The following CCSER1 variants were observed in gnomAD, a reference collection of about 807,000 sequenced individuals.
The protein encoded by CCSER1 is serine-rich coiled-coil domain-containing protein 1.
In CCSER1, 41 loss-of-function variants were observed where a neutral mutation model predicts 82.0. That is an observed-to-expected ratio of 0.50 (90% CI 0.39 to 0.65). CCSER1 has a LOEUF of 0.65. Ranked by LOEUF, CCSER1 falls within the 30% of genes least tolerant of loss-of-function variation. The pLI, the probability that CCSER1 is intolerant of heterozygous loss-of-function variation, is 0.00. For missense variants in CCSER1, 1,119 were observed against 1,064.2 expected, an observed-to-expected ratio of 1.05 and a Z score of -0.72; for synonymous variants, 414 against 383.9, an observed-to-expected ratio of 1.08 and a Z score of -0.92.
At chr4:90,515,229 T>C (rs1004502234) in intron 5 of CCSER1, among the ~76,000 whole-genome samples, 1 of 152,220 alleles carries the variant, frequency 6.6e-6, no homozygotes, top group Non-Finnish European at 1.5e-5. Flanking sequence ...AATACAAGTA[T>C]AAAATTTTAA....
intron 10 of CCSER1, among the ~76,000 whole-genome samples, chr4:91,436,503 G>A (rs539747637): frequency 3.3e-5 from 5 of 152,270 alleles, no homozygotes; most frequent in Admixed American, 6.5e-5. Flanking sequence ...TGAGAAAGTC[G>A]ATGACTTCAG....
At chr4:91,411,843 T>C (rs1753070222) in intron 10 of CCSER1, among the ~76,000 whole-genome samples, 1 of 114,134 alleles carries the variant, frequency 8.8e-6, no homozygotes, top group African/African-American at 3.3e-5. Flanking sequence ...ACTAGTGTTA[T>C]GTTGTTACAC....
intron 1 of CCSER1, among the ~76,000 whole-genome samples, chr4:90,153,413 G>C (rs1024670491): frequency 6.6e-6 from 1 of 151,640 alleles, no homozygotes; most frequent in African/African-American, 2.4e-5. Flanking sequence ...TAATGGGATG[G>C]CTGGGTCAAA....
At chr4:90,220,118 T>G (rs189548806) in intron 1 of CCSER1, among the ~76,000 whole-genome samples, 1 of 152,264 alleles carries the variant, frequency 6.6e-6, no homozygotes, top group East Asian at 1.9e-4. Flanking sequence ...TACAGTATGT[T>G]GTTATAAAAT....
intron 3 of CCSER1, among the ~76,000 whole-genome samples, chr4:90,358,980 A>C (rs767116550): frequency 4.6e-5 from 7 of 152,194 alleles, no homozygotes; most frequent in Non-Finnish European, 8.8e-5. Flanking sequence ...AATTCATGAA[A>C]AGATACTTTT....
Position 91,504,745 on chromosome 4 carries a change from G to A in CCSER1, c.2218-93827G>A, listed in dbSNP as rs1371159264. ...AGTTATTTAGCCAATAGACCATTAT[G>A]AATACAACCAAACAAAACATGACTA... On this transcript the variant is annotated intron_variant, in intron 10 of 10. Transcript: ENST00000509176. 6.6e-5 allele frequency among the ~76,000 whole-genome samples: 10 copies of A among 151,852 alleles called. 1 individual carries two copies.
rs375346974 is a variant in CCSER1 at position 91,383,593 on chromosome 4, A to G, written c.2218-214979A>G. On this transcript the variant is annotated intron_variant, in intron 10 of 10. Coordinates refer to ENST00000509176, the MANE Select transcript of CCSER1 (RefSeq NM_001145065.2). ...TCAATCATATTTTTTAGGACAAACTATAGCCACTTTTGTGCTATAGTTTCA... is the reference window on the plus strand; with the variant it reads ...TCAATCATATTTTTTAGGACAAACTGTAGCCACTTTTGTGCTATAGTTTCA... 1.5e-4 allele frequency among the ~76,000 whole-genome samples: 23 copies of G among 152,286 alleles called. No individual in the cohort carries two copies. The East Asian group carries it at 2.7e-3, about 18-fold the overall frequency.
intron 4 of CCSER1, among the ~76,000 whole-genome samples, chr4:90,438,630 A>G (rs1218517179): frequency 6.6e-6 from 1 of 152,206 alleles, no homozygotes. Context: ...TGACATAATC[A>G]TAAAGTCTAA....
At chr4:91,028,771 C>A (rs1375893467) in intron 9 of CCSER1, among the ~76,000 whole-genome samples, 2 of 151,866 alleles carry the variant, frequency 1.3e-5, no homozygotes, top group Non-Finnish European at 2.9e-5. Context: ...CATGACTCCC[C>A]ATGGATCTGA....
At chr4:90,384,041 G>C (rs1288639877) in intron 3 of CCSER1, among the ~76,000 whole-genome samples, 1 of 151,928 alleles carries the variant, frequency 6.6e-6, no homozygotes, top group Admixed American at 6.6e-5. Flanking sequence ...GGGATTAAGT[G>C]TGAACTACCA....
intron 3 of CCSER1, 67 bp from the exon 4 acceptor site, chr4:90,399,969 A>G: frequency 2.5e-6 from 2 of 812,792 alleles, no homozygotes; most frequent in Admixed American, 2.3e-5. Context: ...CACGGCTTCC[A>G]CATATGAGTA....
At chr4:91,461,671 A>G (rs1441610207) in intron 10 of CCSER1, among the ~76,000 whole-genome samples, 1 of 152,190 alleles carries the variant, frequency 6.6e-6, no homozygotes, top group South Asian at 2.1e-4. Flanking sequence ...ACAATGTAGC[A>G]TACCTATTGG....
chr4:90,804,017 G>T (rs925029496), intron 7 of CCSER1, among the ~76,000 whole-genome samples: 12 of 152,290 alleles, frequency 7.9e-5, no homozygotes, highest in African/African-American at 2.9e-4. Context: ...CTTCTTTTGA[G>T]AAATGTCTGT....
rs1029388589 is a variant in CCSER1 at position 90,406,479 on chromosome 4, A to G, written c.1603+6350A>G. On this transcript the variant is annotated intron_variant, in intron 4 of 10. Transcript: ENST00000509176. ...AAGACAGAAAGTCAGCAAAGAAACA[A>G]TGGACTTAACTATACCCTACAACAA... Among the ~76,000 whole-genome samples, 29 of 152,214 alleles carry G rather than the reference A, an allele frequency of 1.9e-4. 1 individual carries two copies. The highest frequency in any genetic ancestry group is 6.5e-4 in the African/African-American group (27 of 41,468).
intron 10 of CCSER1, among the ~76,000 whole-genome samples, chr4:91,245,925 A>G (rs1581835629): frequency 1.3e-5 from 2 of 152,252 alleles, no homozygotes; most frequent in African/African-American, 2.4e-5. Context: ...GGAACTCCCA[A>G]CCTCAGGTGA....
At chr4:90,718,270 T>G (rs1210774866) in intron 6 of CCSER1, among the ~76,000 whole-genome samples, 1 of 152,100 alleles carries the variant, frequency 6.6e-6, no homozygotes, top group Admixed American at 6.6e-5. Flanking sequence ...TTAAAAAAGT[T>G]AAAATATTTC....
At chr4:91,077,901 G>A (rs1050650823) in intron 9 of CCSER1, among the ~76,000 whole-genome samples, 5 of 152,224 alleles carry the variant, frequency 3.3e-5, no homozygotes, top group Non-Finnish European at 7.3e-5. Flanking sequence ...TGGTGGAGGG[G>A]CATCTGCCAT....
intron 1 of CCSER1, among the ~76,000 whole-genome samples, chr4:90,210,075 A>G (rs1457987529): frequency 1.3e-5 from 2 of 152,070 alleles, no homozygotes; most frequent in African/African-American, 4.8e-5. Flanking sequence ...AACTGGAGGA[A>G]TCTCTTTTTC....
Position 91,601,292 on chromosome 4 carries a change from G to A in CCSER1, c.*2235G>A, listed in dbSNP as rs1764806729. The A allele has an allele frequency of 6.6e-6, 1 of 151,926 alleles. No individual in the cohort carries two copies. The highest frequency in any genetic ancestry group is 6.6e-5 in the Admixed American group (1 of 15,234). The allele number at this position is 151,926 out of a possible 1,614,324, so 9.4% of individuals were successfully genotyped here. Reference sequence around the variant, plus strand: ...ATTTTCTTGAAAAATCTTTTTTAAAGCTGAATCATTCAAAAGAAAACCTGG... The same window carrying A: ...ATTTTCTTGAAAAATCTTTTTTAAAACTGAATCATTCAAAAGAAAACCTGG... On this transcript the variant is annotated 3_prime_UTR_variant, in exon 11 of 11. Transcript: ENST00000509176.
Sources: gnomAD v4.1 joint callset for allele counts (sites outside exome capture counted in the v4.1 genomes callset) on GRCh38, gnomAD v4.1.1 for gene constraint, MANE v1.5 for transcripts, NCBI Gene and HGNC (gene_info 2026-07-23, HGNC 2026-07-21) for gene names.